CDH12: variants seen among roughly 807,000 people sequenced by gnomAD.
CDH12 encodes cadherin-12.
In CDH12, 41 loss-of-function variants were observed where a neutral mutation model predicts 74.1. The observed-to-expected ratio is 0.55, with a 90% CI of 0.43 to 0.72. The LOEUF is 0.72. Ranked by LOEUF, CDH12 falls within the 30% of genes least tolerant of loss-of-function variation. The pLI, the probability that CDH12 is intolerant of heterozygous loss-of-function variation, is 0.00. For synonymous variants in CDH12, 399 were observed against 355.0 expected (o/e 1.12, Z -1.39); for missense variants, 945 against 977.2 (o/e 0.97, Z 0.44).
At chr5:22,291,052 G>A (rs763873094) in intron 3 of CDH12, among the ~76,000 whole-genome samples, 6 of 152,052 alleles carry the variant, frequency 3.9e-5, no homozygotes, top group Non-Finnish European at 5.9e-5. Flanking sequence ...AGGGATGCGA[G>A]GATGATTCGG....
intron 4 of CDH12, among the ~76,000 whole-genome samples, chr5:22,094,806 A>G (rs1327421185): frequency 1.3e-5 from 2 of 152,104 alleles, no homozygotes; most frequent in South Asian, 2.1e-4. Context: ...ATCTTGTGAA[A>G]TTCCTTCTCC....
At chr5:22,830,706 A>T (rs1034753422) in intron 1 of CDH12, among the ~76,000 whole-genome samples, 1 of 151,744 alleles carries the variant, frequency 6.6e-6, no homozygotes, top group Non-Finnish European at 1.5e-5. Flanking sequence ...TTTAGAATTG[A>T]ATTTCATGTA....
At chr5:22,470,214 A>T (rs1213209790) in intron 2 of CDH12, among the ~76,000 whole-genome samples, 1 of 152,114 alleles carries the variant, frequency 6.6e-6, no homozygotes, top group African/African-American at 2.4e-5. Context: ...TTATAAGCAA[A>T]CATCTTGAGA....
intron 1 of CDH12, among the ~76,000 whole-genome samples, chr5:22,533,523 T>C (rs1737686642): frequency 6.6e-6 from 1 of 152,220 alleles, no homozygotes; most frequent in African/African-American, 2.4e-5. Flanking sequence ...AGGAACCTCA[T>C]TTCTTCAAGA....
At chr5:22,550,701 C>T (rs1194826790) in intron 1 of CDH12, among the ~76,000 whole-genome samples, 1 of 152,198 alleles carries the variant, frequency 6.6e-6, no homozygotes, top group East Asian at 1.9e-4. Context: ...ATTCTCCATC[C>T]AGCATGCAGA....
At chr5:22,220,030 G>A (rs115667599) in intron 3 of CDH12, among the ~76,000 whole-genome samples, 448 of 151,836 alleles carry the variant, frequency 3.0e-3, no homozygotes, top group Non-Finnish European at 4.9e-3. Context: ...CAGGCTTAAT[G>A]TATATCACCA....
intron 1 of CDH12, among the ~76,000 whole-genome samples, chr5:22,681,464 T>C (rs905783030): frequency 1.3e-5 from 2 of 151,996 alleles, no homozygotes; most frequent in African/African-American, 4.8e-5. Context: ...GTGGAGATCA[T>C]TGCATTGCAT....
intron 6 of CDH12, among the ~76,000 whole-genome samples, chr5:21,947,220 G>A (rs929107166): frequency 1.1e-4 from 17 of 152,100 alleles, no homozygotes; most frequent in African/African-American, 3.9e-4. Flanking sequence ...GACTAATAGA[G>A]TAAATTGGTA....
At chr5:22,196,929 A>G (rs1750651484) in intron 4 of CDH12, among the ~76,000 whole-genome samples, 1 of 152,182 alleles carries the variant, frequency 6.6e-6, no homozygotes, top group Non-Finnish European at 1.5e-5. Context: ...CAGACAAAAA[A>G]GTAGATCATG....
At chr5:21,830,499 AAAAC>A (rs1748955474) in intron 8 of CDH12, among the ~76,000 whole-genome samples, 1 of 152,188 alleles carries the variant, frequency 6.6e-6, no homozygotes, top group South Asian at 2.1e-4. Context: ...TTTTGAGAGT[AAAAC>A]AAATCAGTAT....
At chr5:22,746,397 C>A (rs1434966659) in intron 1 of CDH12, among the ~76,000 whole-genome samples, 1 of 152,226 alleles carries the variant, frequency 6.6e-6, no homozygotes, top group Non-Finnish European at 1.5e-5. Context: ...GAAGGAAGAG[C>A]AAATATCACT....
chr5:22,079,003 C>T (rs1346650044), intron 4 of CDH12, 141 bp from the exon 5 acceptor site: 11 of 222,624 alleles, frequency 4.9e-5, no homozygotes, highest in Non-Finnish European at 6.6e-5. Flanking sequence ...ACGGTCACCG[C>T]TATTCAACAT....
chr5:22,764,981 G>A (rs1250283127), intron 1 of CDH12, among the ~76,000 whole-genome samples: 1 of 151,962 alleles, frequency 6.6e-6, no homozygotes, highest in East Asian at 1.9e-4. Flanking sequence ...AACTGACACT[G>A]AGGTAATTCT....
intron 1 of CDH12, among the ~76,000 whole-genome samples, chr5:22,641,207 A>C (rs184539725): frequency 1.8e-4 from 28 of 152,280 alleles, no homozygotes; most frequent in Non-Finnish European, 2.1e-4. Flanking sequence ...GGCTTAGTCC[A>C]ATTCCAAAGG....
At chr5:22,146,333 T>A (rs1208068658) in intron 4 of CDH12, among the ~76,000 whole-genome samples, 1 of 152,074 alleles carries the variant, frequency 6.6e-6, no homozygotes. Flanking sequence ...AACAACGGGG[T>A]CATGAAAACA....
chr5:22,591,151 T>C (rs1418543314), intron 1 of CDH12, among the ~76,000 whole-genome samples: 5 of 152,190 alleles, frequency 3.3e-5, no homozygotes, highest in Admixed American at 6.6e-5. Context: ...CTCTCACAAA[T>C]GCTTTGCATG....
intron 6 of CDH12, among the ~76,000 whole-genome samples, chr5:21,860,748 G>A (rs954709510): frequency 6.6e-6 from 1 of 151,928 alleles, no homozygotes; most frequent in East Asian, 1.9e-4. Context: ...TGGACTCTTG[G>A]ACATACACCT....
chr5:22,364,858 T>C (rs796695084), intron 3 of CDH12, among the ~76,000 whole-genome samples: 3 of 152,284 alleles, frequency 2.0e-5, no homozygotes, highest in African/African-American at 7.2e-5. Flanking sequence ...ATGCTGAAAG[T>C]AGAAGAAATC....
At chr5:22,804,075 T>G (rs1208251966) in intron 1 of CDH12, among the ~76,000 whole-genome samples, 2 of 152,146 alleles carry the variant, frequency 1.3e-5, no homozygotes, top group African/African-American at 4.8e-5. Flanking sequence ...TATTAAAGAA[T>G]AGAAATATTA....
Sources: allele counts gnomAD v4.1 joint callset (sites outside exome capture counted in the v4.1 genomes callset), GRCh38; gene constraint gnomAD v4.1.1; transcripts MANE v1.5; gene names NCBI Gene and HGNC (gene_info 2026-07-23, HGNC 2026-07-21).